The following DMD variants were observed in gnomAD, a reference collection of about 807,000 sequenced individuals.
DMD encodes mutant dystrophin.
DMD carries 63 observed loss-of-function variants against 330.1 expected under a neutral mutation model. The ratio of observed to expected loss-of-function variants is 0.19; its 90% CI spans 0.16 to 0.24. The LOEUF is 0.24. Ranked by LOEUF, DMD falls within the 10% of genes least tolerant of loss-of-function variation. The pLI, the probability that DMD is intolerant of heterozygous loss-of-function variation, is 1.00. For synonymous variants in DMD, 1,223 were observed against 959.8 expected (o/e 1.27, Z -5.07); for missense variants, 3,344 against 2,684.1 (o/e 1.25, Z -5.43).
chrX:31,252,716 T>G (rs1339894744), intron 63 of DMD, among the ~76,000 whole-genome samples: 1 of 112,484 alleles, frequency 8.9e-6, no homozygotes, highest in Non-Finnish European at 1.9e-5. Flanking sequence ...GTACAATTAT[T>G]ACAAATATGA....
intron 7 of DMD, among the ~76,000 whole-genome samples, chrX:32,759,391 C>A (rs1165065894): frequency 1.8e-5 from 2 of 111,683 alleles, no homozygotes; most frequent in Non-Finnish European, 3.8e-5. Flanking sequence ...CTTTCTCATT[C>A]CCCCTTAGAT....
At chrX:32,928,236 CTT>C (rs1171463227) in intron 2 of DMD, among the ~76,000 whole-genome samples, 1 of 110,205 alleles carries the variant, frequency 9.1e-6, no homozygotes, top group African/African-American at 3.3e-5. Context: ...ATAAGAACCC[CTT>C]TTTTTAATGT....
intron 7 of DMD, among the ~76,000 whole-genome samples, chrX:32,760,938 A>C (rs1569512541): frequency 9.0e-6 from 1 of 110,574 alleles, no homozygotes; most frequent in Non-Finnish European, 1.9e-5. Flanking sequence ...TTGCCTTGCT[A>C]TTTCACCTGG....
At chrX:32,400,755 T>C (rs1202696095) in intron 30 of DMD, among the ~76,000 whole-genome samples, 5 of 108,072 alleles carry the variant, frequency 4.6e-5, no homozygotes, top group Admixed American at 2.0e-4. Flanking sequence ...GGTTCAACCA[T>C]TGTGGAAGTC....
chrX:33,213,636 T>C (rs186861219), upstream of DMD, among the ~76,000 whole-genome samples: 1 of 111,732 alleles, frequency 8.9e-6, no homozygotes, highest in Non-Finnish European at 1.9e-5. Flanking sequence ...TTTTTAAAAA[T>C]TTATTTTAAC....
chrX:31,578,926 T>G (rs1462935624), intron 55 of DMD, among the ~76,000 whole-genome samples: 2 of 112,370 alleles, frequency 1.8e-5, no homozygotes, highest in African/African-American at 3.2e-5. Flanking sequence ...TCACAGCTGA[T>G]AAAGGCTCTA....
At chrX:31,514,339 T>G (rs976777050) in intron 55 of DMD, among the ~76,000 whole-genome samples, 2 of 111,721 alleles carry the variant, frequency 1.8e-5, no homozygotes, top group Non-Finnish European at 3.8e-5. Context: ...ACAAGCAATA[T>G]GTTCACAGTA....
rs1444368573 is a variant in DMD, at chrX:32,980,342, T to C, written c.93+39797A>G. Among the ~76,000 whole-genome samples, 5 of 87,049 alleles carry C rather than the reference T, an allele frequency of 5.7e-5. No individual in the cohort carries two copies. In the South Asian group the frequency reaches 2.5e-3, roughly 44 times the overall value. 75.6% of individuals were successfully genotyped at this position (87,049 alleles called of 115,157 possible). A position where few individuals can be genotyped will look rare whatever the true frequency, so the allele number is the denominator to read the frequency against. On this transcript the variant is annotated intron_variant, in intron 2 of 78. Coordinates refer to ENST00000357033, the MANE Select transcript of DMD (RefSeq NM_004006.3). ...GATCGCGCCACTGCACCACTCCTGC[T>C]TGGGCGACAGAGCCAGACTCTGTCT...
intron 48 of DMD, among the ~76,000 whole-genome samples, chrX:31,838,844 T>C (rs190398635): frequency 9.0e-6 from 1 of 111,711 alleles, no homozygotes; most frequent in East Asian, 2.8e-4. Flanking sequence ...GGAGAGTTAA[T>C]ATTCAAACAC....
At chrX:31,243,019 G>A (rs187800063) in intron 63 of DMD, among the ~76,000 whole-genome samples, 3 of 111,463 alleles carry the variant, frequency 2.7e-5, no homozygotes, top group East Asian at 2.8e-4. Flanking sequence ...CCAGAGTCAC[G>A]CCAGCTTGGG....
At chrX:31,923,052 A>C (rs369245955) in intron 47 of DMD, among the ~76,000 whole-genome samples, 1 of 111,686 alleles carries the variant, frequency 9.0e-6, no homozygotes. Flanking sequence ...GACCCTCTCT[A>C]TATATTTTAT....
intron 60 of DMD, among the ~76,000 whole-genome samples, chrX:31,383,637 A>G (rs2060296367): frequency 9.0e-6 from 1 of 111,687 alleles, no homozygotes; most frequent in African/African-American, 3.3e-5. Context: ...AACCACCCAT[A>G]GCCCACCCTG....
chrX:32,673,055 G>T (rs751435095), intron 9 of DMD, among the ~76,000 whole-genome samples: 1 of 111,502 alleles, frequency 9.0e-6, no homozygotes, highest in South Asian at 3.7e-4. Context: ...GTATGTGTGT[G>T]CATGTGCGTG....
intron 41 of DMD, among the ~76,000 whole-genome samples, chrX:32,335,670 A>G (rs147767027): frequency 2.0e-5 from 2 of 101,920 alleles, no homozygotes; most frequent in African/African-American, 7.9e-5. Flanking sequence ...ACATATACAT[A>G]ATATGTATAT....
At chrX:31,770,583 T>A (rs988486845) in intron 51 of DMD, among the ~76,000 whole-genome samples, 5 of 112,035 alleles carry the variant, frequency 4.5e-5, no homozygotes, top group African/African-American at 1.6e-4. Context: ...AATATCTCAC[T>A]AGCATCCATT....
intron 64 of DMD, among the ~76,000 whole-genome samples, chrX:31,219,375 C>T (rs2045744348): frequency 9.0e-6 from 1 of 111,454 alleles, no homozygotes; most frequent in Non-Finnish European, 1.9e-5. Flanking sequence ...ACTCAGCCGC[C>T]TCTGGGTTCA....
chrX:32,559,024 C>T (rs2050695235), intron 16 of DMD, among the ~76,000 whole-genome samples: 1 of 96,281 alleles, frequency 1.0e-5, no homozygotes, highest in Non-Finnish European at 2.0e-5. Flanking sequence ...GATCTCGGCT[C>T]ACTGCAACCT....
At chrX:32,667,099 T>C (rs1032141317) in intron 9 of DMD, among the ~76,000 whole-genome samples, 2 of 111,479 alleles carry the variant, frequency 1.8e-5, no homozygotes, top group Non-Finnish European at 3.8e-5. Context: ...AAAAAAAGAA[T>C]GAAATCTTGC....
At chrX:31,602,944 A>T (rs1028783592) in intron 55 of DMD, among the ~76,000 whole-genome samples, 1 of 111,930 alleles carries the variant, frequency 8.9e-6, no homozygotes, top group Non-Finnish European at 1.9e-5. Flanking sequence ...CCATGGCCTC[A>T]CATAGGTGGA....
Sources: gnomAD v4.1 joint callset for allele counts (sites outside exome capture counted in the v4.1 genomes callset) on GRCh38, gnomAD v4.1.1 for gene constraint, MANE v1.5 for transcripts, NCBI Gene and HGNC (gene_info 2026-07-23, HGNC 2026-07-21) for gene names.